The following LHFPL6 variants were observed in gnomAD, a reference collection of about 807,000 sequenced individuals.
The protein encoded by LHFPL6 is LHFPL tetraspan subfamily member 6, also known as LHFPL tetraspan subfamily member 6 protein.
Under a neutral mutation model 20.6 loss-of-function variants are expected in LHFPL6, and 9 were observed. The observed-to-expected ratio is 0.44, with a 90% confidence interval of 0.26 to 0.76. The LOEUF is 0.76. Ranked by LOEUF, LHFPL6 falls within the 30% of genes least tolerant of loss-of-function variation. The probability of loss-of-function intolerance (pLI) is 0.20; values close to 1 mark genes in which losing one functional copy is unlikely to be tolerated. For missense variants in LHFPL6, 218 were observed against 253.5 expected (o/e 0.86, Z 0.95); for synonymous variants, 105 against 98.7 (o/e 1.06, Z -0.38).
chr13:39,518,822 C>T (rs886807689), intron 2 of LHFPL6, among the ~76,000 whole-genome samples: 5 of 152,226 alleles, frequency 3.3e-5, no homozygotes, highest in Non-Finnish European at 5.9e-5. Context: ...GGCCCAAACA[C>T]GTGTCTACTG....
At chr13:39,478,527 T>C (rs1209620584) in intron 2 of LHFPL6, among the ~76,000 whole-genome samples, 1 of 152,164 alleles carries the variant, frequency 6.6e-6, no homozygotes, top group East Asian at 1.9e-4. Context: ...TTGTGTCAAC[T>C]TGACTGCCCC....
chr13:39,491,024 G>A (rs1044448849), intron 2 of LHFPL6, among the ~76,000 whole-genome samples: 3 of 152,174 alleles, frequency 2.0e-5, no homozygotes, highest in South Asian at 4.1e-4. Context: ...TTAAAATAAA[G>A]ATAGTGACTG....
At chr13:39,370,892 A>T (rs1870148764) in intron 3 of LHFPL6, among the ~76,000 whole-genome samples, 2 of 152,346 alleles carry the variant, frequency 1.3e-5, no homozygotes, top group Non-Finnish European at 2.9e-5. Context: ...TTAAAAAATT[A>T]TACTTTTGTT....
chr13:39,452,680 A>C (rs1227961151), intron 2 of LHFPL6, among the ~76,000 whole-genome samples: 1 of 152,176 alleles, frequency 6.6e-6, no homozygotes. Context: ...CTGCTGCCTC[A>C]TTCAAACACC....
intron 2 of LHFPL6, among the ~76,000 whole-genome samples, chr13:39,443,179 G>A (rs1260870587): frequency 1.3e-5 from 2 of 152,094 alleles, no homozygotes; most frequent in African/African-American, 2.4e-5. Context: ...AGTTATTGCA[G>A]GAGTTGGTTC....
intron 2 of LHFPL6, among the ~76,000 whole-genome samples, chr13:39,547,329 T>C (rs1025280267): frequency 2.0e-5 from 3 of 152,120 alleles, no homozygotes; most frequent in Non-Finnish European, 4.4e-5. Context: ...CACCCACTCA[T>C]TGCTCCATTC....
At chr13:39,379,559 A>G (rs1283339848) in intron 2 of LHFPL6, among the ~76,000 whole-genome samples, 1 of 152,178 alleles carries the variant, frequency 6.6e-6, no homozygotes, top group East Asian at 1.9e-4. Flanking sequence ...GAGATCTTCA[A>G]TATTTCTGCA....
intron 3 of LHFPL6, among the ~76,000 whole-genome samples, chr13:39,353,977 C>T (rs770629998): frequency 6.6e-6 from 1 of 152,110 alleles, no homozygotes; most frequent in Non-Finnish European, 1.5e-5. Context: ...TCACAAATCC[C>T]ATGCATTGAG....
intron 2 of LHFPL6, among the ~76,000 whole-genome samples, chr13:39,526,616 A>G (rs1870295313): frequency 6.6e-6 from 1 of 152,206 alleles, no homozygotes; most frequent in African/African-American, 2.4e-5. Context: ...AGCCATTTCA[A>G]GTTAGTGTTC....
chr13:39,492,618 G>A (rs955761139), intron 2 of LHFPL6, among the ~76,000 whole-genome samples: 34 of 152,100 alleles, frequency 2.2e-4, no homozygotes, highest in African/African-American at 6.5e-4. Context: ...TCCAAAAAAA[G>A]GTAAATTTTT....
chr13:39,453,123 G>A (rs1180543398), intron 2 of LHFPL6, among the ~76,000 whole-genome samples: 4 of 152,136 alleles, frequency 2.6e-5, no homozygotes, highest in Non-Finnish European at 5.9e-5. Context: ...ACAGAAGGCC[G>A]TTCTTTTTTT....
chr13:39,493,707 G>C (rs1024978728), intron 2 of LHFPL6, among the ~76,000 whole-genome samples: 4 of 152,144 alleles, frequency 2.6e-5, no homozygotes, highest in African/African-American at 9.7e-5. Context: ...CATATGAAAT[G>C]CTCTATAATA....
In LHFPL6 at chr13:39,446,635, T is replaced by C. The variant is rs192016948; in HGVS notation, c.386-68109A>G. Among the ~76,000 whole-genome samples the C allele has an allele frequency of 1.6e-3, 248 of 152,162 alleles. 2 individuals are homozygous for C. The highest frequency in any genetic ancestry group is 3.4e-3 in the Middle Eastern group (1 of 294). On this transcript the variant is annotated intron_variant, in intron 2 of 3. Coordinates refer to ENST00000379589, the MANE Select transcript of LHFPL6 (RefSeq NM_005780.3). ...CCTCATAGCTTCCCTATGAGGCTGA[T>C]ACCATCTTCATTCTGTAGCTAGAGA...
At chr13:39,385,908 C>G (rs1870551824) in intron 2 of LHFPL6, among the ~76,000 whole-genome samples, 2 of 152,100 alleles carry the variant, frequency 1.3e-5, no homozygotes, top group African/African-American at 4.8e-5. Context: ...TCACTTTTTT[C>G]CAGGACTATG....
At chr13:39,496,697 C>T (rs1407444811) in intron 2 of LHFPL6, among the ~76,000 whole-genome samples, 1 of 152,162 alleles carries the variant, frequency 6.6e-6, no homozygotes, top group Non-Finnish European at 1.5e-5. Context: ...CAAAAATACT[C>T]ACCACAGGAA....
At chr13:39,354,037 C>T (rs1440838742) in intron 3 of LHFPL6, among the ~76,000 whole-genome samples, 1 of 152,144 alleles carries the variant, frequency 6.6e-6, no homozygotes, top group East Asian at 1.9e-4. Context: ...CCAAAGTCAC[C>T]AGAGCAGCAC....
Position 39,460,148 on chromosome 13 carries a change from C to T in LHFPL6, c.386-81622G>A, listed in dbSNP as rs1484647704. The stretch of plus-strand genomic sequence containing the variant: ...TCTGCAAATTAGCAAGTGTTTCAAC[C>T]AAAAAGCTCACACCATACGATGCTT... On this transcript the variant is annotated intron_variant, in intron 2 of 3. Transcript: ENST00000379589. 2.6e-5 allele frequency among the ~76,000 whole-genome samples: 4 copies of T among 152,108 alleles called. No individual in the cohort carries two copies. In the East Asian group the frequency reaches 7.7e-4, roughly 29 times the overall value.
intron 3 of LHFPL6, among the ~76,000 whole-genome samples, chr13:39,349,749 T>G (rs1049761383): frequency 6.6e-6 from 1 of 152,092 alleles, no homozygotes; most frequent in Non-Finnish European, 1.5e-5. Flanking sequence ...AGAAGTGAGA[T>G]CTAAGCCAAG....
intron 2 of LHFPL6, among the ~76,000 whole-genome samples, chr13:39,436,789 G>A (rs1871969968): frequency 6.6e-6 from 1 of 152,200 alleles, no homozygotes; most frequent in Admixed American, 6.5e-5. Flanking sequence ...CTGAGTTAGT[G>A]TGGCTTTTCA....
Sources: allele counts gnomAD v4.1 joint callset (sites outside exome capture counted in the v4.1 genomes callset), GRCh38; gene constraint gnomAD v4.1.1; transcripts MANE v1.5; gene names NCBI Gene and HGNC (gene_info 2026-07-23, HGNC 2026-07-21).